Variants in SMG9 observed in about 807,000 individuals in gnomAD.
The protein encoded by SMG9 is nonsense-mediated mRNA decay factor SMG9.
SMG9 carries 55 observed loss-of-function variants against 64.0 expected under a neutral mutation model. The observed-to-expected ratio is 0.86, with a 90% confidence interval of 0.69 to 1.08. The LOEUF is 1.08. Ranked by LOEUF, SMG9 falls within the 50% of genes least tolerant of loss-of-function variation. SMG9 has a pLI of 0.00. For synonymous variants in SMG9, 244 were observed against 254.8 expected (o/e 0.96, Z 0.41); for missense variants, 554 against 681.3 (o/e 0.81, Z 2.08).
chr19:43,744,739 C>T, intron 6 of SMG9, 33 bp downstream of exon 6: 1 of 1,534,882 alleles, frequency 6.5e-7, no homozygotes, highest in Non-Finnish European at 9.0e-7. Context: ...GGGTGCCCAC[C>T]TCCCTCCTGC....
In SMG9 at chr19:43,740,155, G is replaced by A. The variant is rs1477859267; in HGVS notation, c.765C>T (p.Gly255=). 6.2e-7 allele frequency: 1 copy of A among 1,614,198 alleles called. No individual in the cohort carries two copies. The highest frequency in any genetic ancestry group is 8.5e-7 in the Non-Finnish European group (1 of 1,180,030). The change falls in exon 7 of 14, where the codon GGC becomes GGT. Residue 255 remains glycine (G), a synonymous_variant. Coordinates refer to ENST00000270066, the MANE Select transcript of SMG9 (RefSeq NM_019108.4). ...GTTCTTGGGTAATAAAGAAGTCGAT[G>A]CCACTGGTCTGGTTGCCCCCTCGTT... ...MKERGGNQTS[G]IDFFITQERI... is the part of the protein sequence containing the mutation.
chr19:43,748,677 T>C (rs766122781), intron 2 of SMG9: 4 of 520,026 alleles, frequency 7.7e-6, no homozygotes, highest in Non-Finnish European at 1.5e-5. Flanking sequence ...CTCCCCAACT[T>C]ACCCTCAGTC....
At chr19:43,748,593 G>C (rs1270954820) in intron 2 of SMG9, 1 of 511,104 alleles carries the variant, frequency 2.0e-6, no homozygotes, top group Non-Finnish European at 3.9e-6. Context: ...TTGCTATCCT[G>C]ATCACCTCTG....
rs188367343 is a variant in SMG9, at chr19:43,748,167, A to G, written c.151-115T>C. 3.4e-4 allele frequency: 413 copies of G among 1,227,382 alleles called. 2 individuals carry two copies. The African/African-American group carries it at 5.6e-3, about 17-fold the overall frequency. The allele number at this position is 1,227,382 out of a possible 1,614,324, so 76.0% of individuals were successfully genotyped here. A position where few individuals can be genotyped will look rare whatever the true frequency, so the allele number is the denominator to read the frequency against. On this transcript the variant is annotated intron_variant, in intron 2 of 13. Coordinates refer to ENST00000270066, the MANE Select transcript of SMG9 (RefSeq NM_019108.4). ...TATTAACTACCTTGATCCTACCAACAGCCCTGTGAGATAGATACTATTATT... is the reference window on the plus strand; with the variant it reads ...TATTAACTACCTTGATCCTACCAACGGCCCTGTGAGATAGATACTATTATT...
Position 43,740,353 on chromosome 19 carries a change from A to G in SMG9, c.702-135T>C. ...TCCCTAAGCTTTTCATCTGTGGCCC[A>G]TGTCAGGGGGTGGGAGGCGGGGGTA... is the stretch of plus-strand genomic sequence containing the variant. On this transcript the variant is annotated intron_variant, in intron 6 of 13. Transcript: ENST00000270066. 2 of 546,818 alleles carry G rather than the reference A, an allele frequency of 3.7e-6. 1 individual carries two copies. 33.9% of individuals were successfully genotyped at this position (546,818 alleles called of 1,614,324 possible).
chr19:43,751,301 T>C lies in SMG9; in HGVS notation c.-6-554A>G, dbSNP rs556692820. On this transcript the variant is annotated intron_variant, in intron 1 of 13. Transcript: ENST00000270066. ...GATGCCCACCACCACACCCGACTAA[T>C]TTTTTTTGTATTTTTAGTAGAGATG... Among the ~76,000 whole-genome samples the C allele has an allele frequency of 3.0e-3, 439 of 148,736 alleles. 3 individuals carry two copies. Among genetic ancestry groups the C allele is most frequent in the Non-Finnish European group, 4.3e-3 (288 of 66,438 alleles).
rs934258845 is a variant in SMG9 at position 43,730,663 on chromosome 19, A to G, written c.*933T>C. ...ACTGCAACCTCTGCCTCCCGGGTTC[A>G]AGCAGTTCTCCCACCTCAGCCTCCC... On this transcript the variant is annotated 3_prime_UTR_variant, in exon 14 of 14. Transcript: ENST00000270066. 6.6e-6 allele frequency: 1 copy of G among 151,658 alleles called. No homozygotes were observed. The highest frequency in any genetic ancestry group is 1.5e-5 in the Non-Finnish European group (1 of 68,040). The allele number at this position is 151,658 out of a possible 1,614,324, so 9.4% of individuals were successfully genotyped here. A position where few individuals can be genotyped will look rare whatever the true frequency, so the allele number is the denominator to read the frequency against.
At chr19:43,748,168 GC>G in intron 2 of SMG9, 116 bp from the exon 3 acceptor site, 1 of 1,225,300 alleles carries the variant, frequency 8.2e-7, no homozygotes, top group Admixed American at 3.0e-5. Flanking sequence ...CCTACCAACA[GC>G]CCTGTGAGAT....
intron 9 of SMG9, 129 bp from the exon 10 acceptor site, chr19:43,734,624 CAT>C: frequency 3.5e-6 from 2 of 570,252 alleles, no homozygotes; most frequent in South Asian, 5.0e-5. Flanking sequence ...ATATACACAC[CAT>C]GTTTCTCACA....
chr19:43,740,285 T>A, intron 6 of SMG9, 67 bp from the exon 7 acceptor site: 2 of 1,133,922 alleles, frequency 1.8e-6, no homozygotes, highest in South Asian at 2.5e-5. Flanking sequence ...ATCCGAAGTG[T>A]GACCCTGTGA....
At chr19:43,751,848 G>T (rs1018906327) in intron 1 of SMG9, among the ~76,000 whole-genome samples, 4 of 152,192 alleles carry the variant, frequency 2.6e-5, no homozygotes, top group Admixed American at 6.5e-5. Flanking sequence ...ACTTCGAGAG[G>T]CAGTGAAAAA....
intron 6 of SMG9, among the ~76,000 whole-genome samples, chr19:43,740,596 G>A (rs1246062529): frequency 1.3e-5 from 2 of 152,102 alleles, no homozygotes; most frequent in South Asian, 2.1e-4. Context: ...ATAACCACAT[G>A]ATCAAAACTC....
chr19:43,753,404 C>T (rs1969251704), intron 1 of SMG9, among the ~76,000 whole-genome samples: 1 of 152,004 alleles, frequency 6.6e-6, no homozygotes, highest in Non-Finnish European at 1.5e-5. Context: ...TGTTTACTGG[C>T]CTATGAGGAT....
Position 43,731,530 on chromosome 19 carries a change from T to A in SMG9, c.*66A>T. On this transcript the variant is annotated 3_prime_UTR_variant, in exon 14 of 14. Transcript: ENST00000270066. ...TCTCCACCCCAGCGGGGGATGGACA[T>A]CTGTGCTCCCTCGCAGTACACTGCG... The A allele has an allele frequency of 6.2e-7, 1 of 1,605,486 alleles. No homozygotes were observed. The highest frequency in any genetic ancestry group is 8.5e-7 in the Non-Finnish European group (1 of 1,174,530).
intron 1 of SMG9, among the ~76,000 whole-genome samples, chr19:43,752,091 T>G (rs1177281861): frequency 6.6e-6 from 1 of 152,216 alleles, no homozygotes; most frequent in African/African-American, 2.4e-5. Context: ...TACTAGTGTA[T>G]GTCATGGTGA....
At chr19:43,748,857 G>A in intron 2 of SMG9, 2 of 510,806 alleles carry the variant, frequency 3.9e-6, no homozygotes, top group Admixed American at 3.9e-5. Context: ...CAAACAAAAA[G>A]ACGAAGTGAA....
chr19:43,729,750 G>A lies in SMG9; in HGVS notation c.*1846C>T, dbSNP rs113757513. 8.5e-3 allele frequency: 1,292 copies of A among 152,594 alleles called. 2 individuals carry two copies. The highest frequency in any genetic ancestry group is 0.013 in the Non-Finnish European group (882 of 68,248). 9.5% of individuals were successfully genotyped at this position (152,594 alleles called of 1,614,324 possible). On this transcript the variant is annotated 3_prime_UTR_variant, in exon 14 of 14. Coordinates refer to ENST00000270066, the MANE Select transcript of SMG9 (RefSeq NM_019108.4). The stretch of plus-strand genomic sequence containing the variant: ...GCTGGGTTATCTAGCTGGAGAGGAT[G>A]GTCAGGAGGGTTCTGTAGAGATCAC...
At position 43,728,708 on chromosome 19, in the gene SMG9, G is replaced by A. The variant is rs543894391; in HGVS notation, c.*2888C>T. ...TCTGAACATAGGCAGCCTGGCTGCA[G>A]GGCTGACATTCTTAGGCCAAGTGCT... is the stretch of plus-strand genomic sequence containing the variant. On this transcript the variant is annotated 3_prime_UTR_variant, in exon 14 of 14. Transcript: ENST00000270066. 3.8e-3 allele frequency: 577 copies of A among 152,478 alleles called. 3 individuals carry two copies. Among genetic ancestry groups the A allele is most frequent in the Non-Finnish European group, 4.7e-3 (320 of 68,146 alleles). The allele number at this position is 152,478 out of a possible 1,614,324, so 9.4% of individuals were successfully genotyped here.
chr19:43,747,555 A>G lies in SMG9; in HGVS notation c.491-16T>C, dbSNP rs556594741. 1.2e-6 allele frequency: 2 copies of G among 1,614,202 alleles called. No homozygotes were observed. Among genetic ancestry groups the G allele is most frequent in the South Asian group, 1.1e-5 (1 of 91,088 alleles). The stretch of plus-strand genomic sequence containing the variant: ...CCCACGACAGCTGGAGATTGGAGAA[A>G]GCAGGAGACAGAGGATGCAGTGAGG... On this transcript the variant is annotated splice_polypyrimidine_tract_variant and intron_variant, in intron 4 of 13. Coordinates refer to ENST00000270066, the MANE Select transcript of SMG9 (RefSeq NM_019108.4).
Sources: gnomAD v4.1 joint callset for allele counts (sites outside exome capture counted in the v4.1 genomes callset) on GRCh38, gnomAD v4.1.1 for gene constraint, MANE v1.5 for transcripts, NCBI Gene and HGNC (gene_info 2026-07-23, HGNC 2026-07-21) for gene names.